The following CMTM4 variants were observed in gnomAD, a reference collection of about 807,000 sequenced individuals.
The protein encoded by CMTM4 is CKLF-like MARVEL transmembrane domain-containing protein 4.
In CMTM4, 8 loss-of-function variants were observed where a neutral mutation model predicts 19.0. The ratio of observed to expected loss-of-function variants is 0.42; its 90% CI spans 0.25 to 0.76. CMTM4 has a LOEUF of 0.76. Among genes scored for constraint, CMTM4 ranks in the 30% least tolerant of loss-of-function variants. The pLI is 0.27. For missense variants in CMTM4, 228 were observed against 290.2 expected, an observed-to-expected ratio of 0.79 and a Z score of 1.56; for synonymous variants, 106 against 121.1, an observed-to-expected ratio of 0.88 and a Z score of 0.82.
In CMTM4 at chr16:66,619,954, C is replaced by A; in HGVS notation, c.*2104G>T. 1 of 985,420 alleles carries A rather than the reference C, an allele frequency of 1.0e-6. No homozygotes were observed. The highest frequency in any genetic ancestry group is 1.2e-6 in the Non-Finnish European group (1 of 829,928). 61.0% of individuals were successfully genotyped at this position (985,420 alleles called of 1,614,324 possible). A position where few individuals can be genotyped will look rare whatever the true frequency, so the allele number is the denominator to read the frequency against. ...TCAGTGACTTCAGAACTATTTCTTGCAGCTGACAACATATCCTCAGGAGGC... is the reference window on the plus strand; with the variant it reads ...TCAGTGACTTCAGAACTATTTCTTGAAGCTGACAACATATCCTCAGGAGGC... On this transcript the variant is annotated 3_prime_UTR_variant, in exon 4 of 4. Transcript: ENST00000394106.
chr16:66,622,874 T>C lies in CMTM4; in HGVS notation c.462+530A>G, dbSNP rs2015665384. 1.3e-5 allele frequency among the ~76,000 whole-genome samples: 2 copies of C among 151,940 alleles called. No homozygotes were observed. Among genetic ancestry groups the C allele is most frequent in the Admixed American group, 1.3e-4 (2 of 15,254 alleles). On this transcript the variant is annotated intron_variant, in intron 3 of 3. Transcript: ENST00000394106. This position sits in a 1 kb window ranked among gnomAD's most constrained non-coding sequence, Gnocchi z 4.0. ...GTTTAATCATTTATAAACCTTTTAA[T>C]CCCCCCATTACAAAAAGGATAACTG...
chr16:66,613,539 ACTGTGTAT>A (rs769646189), downstream of CMTM4: 41 of 176,082 alleles, frequency 2.3e-4, no homozygotes, highest in Non-Finnish European at 4.1e-4. Context: ...AACGATTTAT[ACTGTGTAT>A]CTGTCTTTGA....
At position 66,622,036 on chromosome 16, in the gene CMTM4, G is replaced by A. The variant is rs1439062734; in HGVS notation, c.*22C>T. Reference sequence around the variant, plus strand: ...TGAGAGACAGGCACGAGGACGGGAGGGAGGAGGATCCAGGCAGGTCCTCAC... The same window carrying A: ...TGAGAGACAGGCACGAGGACGGGAGAGAGGAGGATCCAGGCAGGTCCTCAC... On this transcript the variant is annotated 3_prime_UTR_variant, in exon 4 of 4. Coordinates refer to ENST00000394106, the MANE Select transcript of CMTM4 (RefSeq NM_181521.3). This position sits in a 1 kb window ranked among gnomAD's most constrained non-coding sequence, Gnocchi z 4.0. 2.6e-6 allele frequency: 4 copies of A among 1,550,606 alleles called. No individual in the cohort carries two copies. The highest frequency in any genetic ancestry group is 3.5e-6 in the Non-Finnish European group (4 of 1,143,836).
At chr16:66,663,686 G>A (rs1438599947) in intron 1 of CMTM4, among the ~76,000 whole-genome samples, 6 of 151,486 alleles carry the variant, frequency 4.0e-5, no homozygotes, top group African/African-American at 1.2e-4. Context: ...GGGATTACAG[G>A]CAAGCGCCGC....
chr16:66,612,588 T>G, downstream of CMTM4: 1 of 1,613,722 alleles, frequency 6.2e-7, no homozygotes, highest in Non-Finnish European at 8.5e-7. The surrounding 1 kb of genome is among the most constrained non-coding windows in gnomAD (Gnocchi z 6.0). Context: ...CTGCCAAGCA[T>G]CCTCTCTGCT....
chr16:66,649,078 C>G lies in CMTM4; in HGVS notation c.187-12497G>C, dbSNP rs28573789. 9.8e-3 allele frequency among the ~76,000 whole-genome samples: 1,497 copies of G among 152,322 alleles called. 21 individuals are homozygous for G. The highest frequency in any genetic ancestry group is 0.033 in the African/African-American group (1,382 of 41,556). On this transcript the variant is annotated intron_variant, in intron 1 of 3. Coordinates refer to ENST00000394106, the MANE Select transcript of CMTM4 (RefSeq NM_181521.3). ...GGTTGCTGGGCACAGTGGTGCACACCTGTAGTCCTAGCTACCCAGGAGGCC... is the reference window on the plus strand; with the variant it reads ...GGTTGCTGGGCACAGTGGTGCACACGTGTAGTCCTAGCTACCCAGGAGGCC...
intron 1 of CMTM4, among the ~76,000 whole-genome samples, chr16:66,676,105 C>T (rs2016805189): frequency 6.6e-6 from 1 of 152,172 alleles, no homozygotes; most frequent in Admixed American, 6.5e-5. Flanking sequence ...ACTTTACTAT[C>T]ATAGACAGTA....
intron 1 of CMTM4, among the ~76,000 whole-genome samples, chr16:66,655,528 T>C (rs2016383269): frequency 6.6e-6 from 1 of 151,636 alleles, no homozygotes; most frequent in African/African-American, 2.4e-5. Flanking sequence ...CGTGTGTGTG[T>C]GTGTGTGTGT....
chr16:66,685,052 T>C (rs1301919011), intron 1 of CMTM4, among the ~76,000 whole-genome samples: 3 of 152,232 alleles, frequency 2.0e-5, no homozygotes, highest in Non-Finnish European at 4.4e-5. Context: ...TATCAGGGTA[T>C]ATTGTGAGCA....
intron 2 of CMTM4, among the ~76,000 whole-genome samples, chr16:66,633,875 G>C (rs986997221): frequency 6.6e-6 from 1 of 150,738 alleles, no homozygotes; most frequent in Non-Finnish European, 1.5e-5. Context: ...ATGCCCTTTT[G>C]TTGGGCAAAC....
chr16:66,653,439 G>A (rs2016347167), intron 1 of CMTM4, among the ~76,000 whole-genome samples: 1 of 152,152 alleles, frequency 6.6e-6, no homozygotes, highest in African/African-American at 2.4e-5. Context: ...GGGAGAGGGA[G>A]ATGCAGTGAG....
Position 66,622,152 on chromosome 16 carries a change from C to T in CMTM4, c.533G>A (p.Ser178Asn). 6.2e-7 allele frequency: 1 copy of T among 1,613,690 alleles called. No individual in the cohort carries two copies. The highest frequency in any genetic ancestry group is 2.2e-5 in the East Asian group (1 of 44,868). The change falls in exon 4 of 4, where the codon AGC becomes AAC. Residue 178 changes from serine to asparagine, a missense_variant. Physicochemically the swap from Ser to Asn is conservative, Grantham distance 46. Transcript: ENST00000394106. This position sits in a 1 kb window ranked among gnomAD's most constrained non-coding sequence, Gnocchi z 4.0. ...TFLAVQKWRV[S>N]VRQQSTNDYI... ...GTCATTGGTGCTCTGCTGGCGGACGCTGACTCTCCATTTCTGCACTGCCAG... is the reference window on the plus strand; with the variant it reads ...GTCATTGGTGCTCTGCTGGCGGACGTTGACTCTCCATTTCTGCACTGCCAG...
chr16:66,638,600 T>G (rs2016041282), intron 1 of CMTM4, among the ~76,000 whole-genome samples: 1 of 152,252 alleles, frequency 6.6e-6, no homozygotes, highest in Admixed American at 6.5e-5. Context: ...GGCTCATGCC[T>G]GTAATCCCAG....
intron 1 of CMTM4, among the ~76,000 whole-genome samples, chr16:66,683,176 C>CATATAT (rs71378404): frequency 3.2e-4 from 34 of 106,032 alleles, no homozygotes; most frequent in Admixed American, 5.5e-4. Flanking sequence ...TATATATATA[C>CATATAT]ATATGTATAT....
At chr16:66,664,394 T>C (rs778088578) in intron 1 of CMTM4, among the ~76,000 whole-genome samples, 10 of 152,040 alleles carry the variant, frequency 6.6e-5, no homozygotes, top group Non-Finnish European at 1.3e-4. Context: ...ACAGAAATGG[T>C]AAAAACCTCG....
intron 1 of CMTM4, among the ~76,000 whole-genome samples, chr16:66,683,202 T>TATATATATATACGTATATATATACAC (rs1567432400): frequency 7.3e-6 from 1 of 137,178 alleles, no homozygotes; most frequent in African/African-American, 2.7e-5. Flanking sequence ...TACATATATA[T>TATATATATATACGTATATATATACAC]ATATATATAA....
intron 1 of CMTM4, among the ~76,000 whole-genome samples, chr16:66,690,860 A>G (rs1415537233): frequency 6.6e-6 from 1 of 152,138 alleles, no homozygotes; most frequent in African/African-American, 2.4e-5. Flanking sequence ...TAATCCCAGC[A>G]CTTTGGGAGA....
chr16:66,608,472 C>T, the CMTM4 span: 7 of 1,613,286 alleles, frequency 4.3e-6, no homozygotes, highest in Non-Finnish European at 5.9e-6. This position sits in a 1 kb window ranked among gnomAD's most constrained non-coding sequence, Gnocchi z 5.1. Flanking sequence ...ATGGTGAGGA[C>T]AGGGGCCCCA....
At chr16:66,653,355 G>A (rs1271197208) in intron 1 of CMTM4, among the ~76,000 whole-genome samples, 1 of 151,836 alleles carries the variant, frequency 6.6e-6, no homozygotes, top group Non-Finnish European at 1.5e-5. Context: ...CAGCTCAGTC[G>A]TGAGACCCAC....
Sources: gnomAD v4.1 joint callset for allele counts (sites outside exome capture counted in the v4.1 genomes callset) on GRCh38, gnomAD v4.1.1 for gene constraint, Gnocchi (gnomAD v3.1) non-coding constraint, MANE v1.5 for transcripts, NCBI Gene and HGNC (gene_info 2026-07-23, HGNC 2026-07-21) for gene names.